Variants in OXR1 observed in about 807,000 individuals in gnomAD.
The protein encoded by OXR1 is oxidation resistance protein 1.
A neutral mutation model predicts 104.6 loss-of-function variants in OXR1; 41 were observed. The ratio of observed to expected loss-of-function variants is 0.39; its 90% CI spans 0.31 to 0.51. The LOEUF is 0.51. Ranked by LOEUF, OXR1 falls within the 20% of genes least tolerant of loss-of-function variation. OXR1 has a pLI of 0.77. For synonymous variants in OXR1, 348 were observed against 348.4 expected (o/e 1.00, Z 0.01); for missense variants, 955 against 1,031.9 (o/e 0.93, Z 1.02).
chr8:106,419,814 C>T (rs1818831401), intron 2 of OXR1, among the ~76,000 whole-genome samples: 1 of 152,066 alleles, frequency 6.6e-6, no homozygotes, highest in African/African-American at 2.4e-5. Flanking sequence ...TTAGATATAA[C>T]TCGTAACTCC....
At chr8:106,683,337 T>G in intron 5 of OXR1, 31 bp downstream of exon 5, 2 of 1,010,900 alleles carry the variant, frequency 2.0e-6, no homozygotes, top group Non-Finnish European at 3.1e-6. Flanking sequence ...TGCTGATGTT[T>G]AGAAACATTA....
At chr8:106,573,338 A>G (rs886592700) in intron 3 of OXR1, among the ~76,000 whole-genome samples, 1 of 94,696 alleles carries the variant, frequency 1.1e-5, no homozygotes, top group Non-Finnish European at 2.1e-5. Flanking sequence ...ACAATTAACC[A>G]TCACATACAC....
At chr8:106,338,999 A>G (rs1342359233) in intron 1 of OXR1, among the ~76,000 whole-genome samples, 2 of 152,128 alleles carry the variant, frequency 1.3e-5, no homozygotes, top group African/African-American at 2.4e-5. Context: ...ATATTACATA[A>G]TGGACAGAAA....
chr8:106,368,593 C>A (rs967234198), intron 2 of OXR1, among the ~76,000 whole-genome samples: 2 of 151,788 alleles, frequency 1.3e-5, no homozygotes, highest in African/African-American at 4.8e-5. Context: ...TTGTTTCCCT[C>A]TCTGTGTCCA....
intron 2 of OXR1, among the ~76,000 whole-genome samples, chr8:106,477,298 C>A (rs2510819): frequency 0.58 from 87,699 of 151,704 alleles, 26,430 homozygotes; most frequent in Non-Finnish European, 0.68. Context: ...CACACAGAGA[C>A]GATTACCATC....
At chr8:106,616,949 T>G (rs781631716) in intron 3 of OXR1, among the ~76,000 whole-genome samples, 4 of 152,188 alleles carry the variant, frequency 2.6e-5, no homozygotes, top group Non-Finnish European at 5.9e-5. Context: ...GATGTTACAG[T>G]ATGTATATAT....
intron 3 of OXR1, among the ~76,000 whole-genome samples, chr8:106,675,205 A>G (rs1180983370): frequency 1.3e-5 from 2 of 152,224 alleles, no homozygotes; most frequent in Non-Finnish European, 2.9e-5. Context: ...CAAATAACCC[A>G]TAATTTAGAG....
At chr8:106,625,197 G>A (rs1822051488) in intron 3 of OXR1, among the ~76,000 whole-genome samples, 1 of 152,140 alleles carries the variant, frequency 6.6e-6, no homozygotes, top group South Asian at 2.1e-4. Context: ...TACCCCACAT[G>A]TTTTGACATG....
At chr8:106,423,545 A>G (rs1198791930) in intron 2 of OXR1, among the ~76,000 whole-genome samples, 4 of 152,220 alleles carry the variant, frequency 2.6e-5, no homozygotes, top group Non-Finnish European at 5.9e-5. Context: ...ATGGTTCTAA[A>G]CAGAGTTTAT....
chr8:106,701,690 T>C (rs2131350044), intron 7 of OXR1, among the ~76,000 whole-genome samples: 1 of 152,296 alleles, frequency 6.6e-6, no homozygotes, highest in East Asian at 1.9e-4. Context: ...ATATATAGCA[T>C]AAAGCATGAA....
intron 3 of OXR1, among the ~76,000 whole-genome samples, chr8:106,535,720 GA>G (rs978477103): frequency 1.3e-5 from 2 of 151,946 alleles, no homozygotes; most frequent in African/African-American, 2.4e-5. Context: ...TCATATAATA[GA>G]AAAAAAGTAA....
chr8:106,656,655 T>C (rs1250609839), intron 3 of OXR1, among the ~76,000 whole-genome samples: 1 of 152,172 alleles, frequency 6.6e-6, no homozygotes, highest in African/African-American at 2.4e-5. Context: ...CCTGGGTCCC[T>C]TTCCCATAAA....
At chr8:106,602,684 C>T (rs930577283) in intron 3 of OXR1, among the ~76,000 whole-genome samples, 1 of 151,938 alleles carries the variant, frequency 6.6e-6, no homozygotes, top group Admixed American at 6.6e-5. Flanking sequence ...TGTATATATA[C>T]ATGTATATAT....
chr8:106,420,364 A>C (rs942287092), intron 2 of OXR1, among the ~76,000 whole-genome samples: 1 of 151,872 alleles, frequency 6.6e-6, no homozygotes, highest in African/African-American at 2.4e-5. Flanking sequence ...AAATAAATAT[A>C]TTATTCTTTA....
At chr8:106,416,109 T>C (rs1182231877) in intron 2 of OXR1, among the ~76,000 whole-genome samples, 2 of 152,104 alleles carry the variant, frequency 1.3e-5, no homozygotes, top group Non-Finnish European at 2.9e-5. Context: ...GGTTAGAGAA[T>C]GGCTAATTAG....
At chr8:106,544,596 C>G (rs774875052) in intron 3 of OXR1, among the ~76,000 whole-genome samples, 9 of 152,014 alleles carry the variant, frequency 5.9e-5, no homozygotes, top group Non-Finnish European at 8.8e-5. Context: ...TGACATAGCA[C>G]TACGAAAAAG....
chr8:106,319,525 A>C (rs1814122307), intron 1 of OXR1, among the ~76,000 whole-genome samples: 1 of 152,226 alleles, frequency 6.6e-6, no homozygotes, highest in South Asian at 2.1e-4. Context: ...TTGGTCTAGA[A>C]GAGAAAATCA....
At chr8:106,695,001 T>G (rs1054597291) in intron 7 of OXR1, among the ~76,000 whole-genome samples, 5 of 102,858 alleles carry the variant, frequency 4.9e-5, no homozygotes, top group Non-Finnish European at 2.0e-5. Context: ...ATATGTCACA[T>G]TCTCACTTTA....
intron 6 of OXR1, 42 bp downstream of exon 6, chr8:106,684,401 C>T (rs1188138596): frequency 1.1e-6 from 1 of 939,098 alleles, no homozygotes; most frequent in East Asian, 2.4e-5. Context: ...GAAGAAATCT[C>T]ACTTTGTCTA....
Sources: allele counts gnomAD v4.1 joint callset (sites outside exome capture counted in the v4.1 genomes callset), GRCh38; gene constraint gnomAD v4.1.1; transcripts MANE v1.5; gene names NCBI Gene and HGNC (gene_info 2026-07-23, HGNC 2026-07-21).